The following RALGPS1 variants were observed in gnomAD, a reference collection of about 807,000 sequenced individuals.
RALGPS1 encodes ras-specific guanine nucleotide-releasing factor RalGPS1.
A neutral mutation model predicts 78.8 loss-of-function variants in RALGPS1; 19 were observed. That is an observed-to-expected ratio of 0.24 (90% confidence interval 0.17 to 0.35). RALGPS1 has a LOEUF of 0.35. RALGPS1 is among the 10% of genes least tolerant of loss of function. RALGPS1 has a pLI of 1.00. For missense variants in RALGPS1, 454 were observed against 688.3 expected, an observed-to-expected ratio of 0.66 and a Z score of 3.81; for synonymous variants, 228 against 256.3, an observed-to-expected ratio of 0.89 and a Z score of 1.06.
chr9:127,103,067 T>C (rs2053888698), intron 8 of RALGPS1, among the ~76,000 whole-genome samples: 1 of 152,218 alleles, frequency 6.6e-6, no homozygotes, highest in African/African-American at 2.4e-5. Context: ...ATGCCCAGCC[T>C]ACTGAAGCTG....
intron 4 of RALGPS1, 58 bp from the exon 5 acceptor site, chr9:127,034,373 C>A: frequency 6.9e-7 from 1 of 1,457,558 alleles, no homozygotes; most frequent in Non-Finnish European, 9.6e-7. Flanking sequence ...TTTAATGCCC[C>A]TGGTGTATTT....
At chr9:127,115,005 C>A (rs967914100) in intron 8 of RALGPS1, among the ~76,000 whole-genome samples, 1 of 152,106 alleles carries the variant, frequency 6.6e-6, no homozygotes, top group South Asian at 2.1e-4. Context: ...TGGGAGGGAT[C>A]CAGATGAAGG....
At chr9:126,954,694 C>G (rs763862303) in intron 1 of RALGPS1, among the ~76,000 whole-genome samples, 1 of 152,116 alleles carries the variant, frequency 6.6e-6, no homozygotes, top group Non-Finnish European at 1.5e-5. Context: ...CCCAGCTATT[C>G]GAGGGGCTGA....
intron 4 of RALGPS1, among the ~76,000 whole-genome samples, chr9:127,021,918 G>A (rs936649484): frequency 3.5e-4 from 53 of 152,078 alleles, no homozygotes; most frequent in African/African-American, 1.2e-3. Flanking sequence ...GCAGAGCTAC[G>A]TAGTACTAGG....
chr9:127,155,898 CTTT>C (rs11322458), intron 8 of RALGPS1, among the ~76,000 whole-genome samples: 5 of 148,276 alleles, frequency 3.4e-5, no homozygotes, highest in African/African-American at 1.2e-4. Context: ...AAATATCTTG[CTTT>C]TTTTTTTTTT....
intron 1 of RALGPS1, among the ~76,000 whole-genome samples, chr9:126,943,414 A>T (rs1405042219): frequency 6.6e-6 from 1 of 152,166 alleles, no homozygotes; most frequent in East Asian, 1.9e-4. Context: ...AAGTGCTGGG[A>T]TTACAGGCGT....
intron 8 of RALGPS1, among the ~76,000 whole-genome samples, chr9:127,073,963 C>G (rs2050452738): frequency 6.6e-6 from 1 of 152,134 alleles, no homozygotes; most frequent in Non-Finnish European, 1.5e-5. Flanking sequence ...CTCACTGCAA[C>G]CTCTGCCTCC....
intron 4 of RALGPS1, among the ~76,000 whole-genome samples, chr9:126,984,681 A>G (rs1203598919): frequency 2.6e-5 from 4 of 152,098 alleles, no homozygotes; most frequent in Non-Finnish European, 5.9e-5. Context: ...CCTGTCTTTG[A>G]CCAGTTGGAT....
At chr9:126,958,142 A>ATAT (rs1554765217) in intron 1 of RALGPS1, among the ~76,000 whole-genome samples, 120 of 77,096 alleles carry the variant, frequency 1.6e-3, no homozygotes, top group African/African-American at 4.7e-3. Context: ...AAAAAAAAAA[A>ATAT]ATATATATAT....
chr9:127,164,156 G>T (rs1030610614), intron 8 of RALGPS1, among the ~76,000 whole-genome samples: 5 of 152,010 alleles, frequency 3.3e-5, no homozygotes, highest in African/African-American at 1.2e-4. Context: ...ACTTACTGAG[G>T]TTTTCTTTAT....
chr9:126,943,769 C>T (rs1244042016), intron 1 of RALGPS1, among the ~76,000 whole-genome samples: 1 of 152,192 alleles, frequency 6.6e-6, no homozygotes, highest in Non-Finnish European at 1.5e-5. Context: ...CTTGCCCACC[C>T]TGCCTGTCTC....
At chr9:126,930,747 C>T (rs1021207716) in intron 1 of RALGPS1, among the ~76,000 whole-genome samples, 2 of 152,354 alleles carry the variant, frequency 1.3e-5, no homozygotes, top group East Asian at 3.8e-4. Flanking sequence ...GCGTGAGCCA[C>T]TGCTCCTGGT....
chr9:127,031,862 T>G (rs1197234283), intron 4 of RALGPS1, among the ~76,000 whole-genome samples: 1 of 152,216 alleles, frequency 6.6e-6, no homozygotes, highest in African/African-American at 2.4e-5. Context: ...TGAATTAGGG[T>G]CTTAGAAATG....
At chr9:126,935,006 C>G (rs1371406856) in intron 1 of RALGPS1, among the ~76,000 whole-genome samples, 1 of 152,198 alleles carries the variant, frequency 6.6e-6, no homozygotes, top group Admixed American at 6.5e-5. Flanking sequence ...GAACTACGAA[C>G]TGGTTGACCT....
chr9:127,093,906 G>A, intron 8 of RALGPS1: 1 of 1,613,942 alleles, frequency 6.2e-7, no homozygotes, highest in Non-Finnish European at 8.5e-7. Context: ...TCCAGGGCCT[G>A]CAGGCAGTCT....
intron 4 of RALGPS1, among the ~76,000 whole-genome samples, chr9:126,996,404 C>T (rs546839373): frequency 6.6e-6 from 1 of 152,196 alleles, no homozygotes; most frequent in African/African-American, 2.4e-5. Flanking sequence ...CTACAAACAC[C>T]TCTACGCAAA....
chr9:127,177,153 C>T (rs946248980), intron 11 of RALGPS1, among the ~76,000 whole-genome samples: 12 of 147,710 alleles, frequency 8.1e-5, no homozygotes, highest in South Asian at 4.5e-4. Flanking sequence ...GCTCAATTTT[C>T]GTAGGGTTTT....
intron 7 of RALGPS1, among the ~76,000 whole-genome samples, chr9:127,066,435 G>A (rs1272524652): frequency 6.6e-6 from 1 of 152,224 alleles, no homozygotes; most frequent in African/African-American, 2.4e-5. Context: ...GAGATCAGGA[G>A]TTCGAGACTG....
At chr9:127,054,170 A>G (rs542120542) in intron 7 of RALGPS1, among the ~76,000 whole-genome samples, 6 of 152,310 alleles carry the variant, frequency 3.9e-5, no homozygotes, top group African/African-American at 1.4e-4. Context: ...TGGAGGTCGA[A>G]AGCAAGTTTG....
Sources: gnomAD v4.1 joint callset for allele counts (sites outside exome capture counted in the v4.1 genomes callset) on GRCh38, gnomAD v4.1.1 for gene constraint, MANE v1.5 for transcripts, NCBI Gene and HGNC (gene_info 2026-07-23, HGNC 2026-07-21) for gene names.